PHEX: variants seen among roughly 807,000 people sequenced by gnomAD.
The protein encoded by PHEX is phosphate-regulating neutral endopeptidase PHEX.
In PHEX, 16 loss-of-function variants were observed where a neutral mutation model predicts 68.0. That is an observed-to-expected ratio of 0.24 (90% CI 0.16 to 0.36). The LOEUF (loss-of-function observed/expected upper bound fraction) is 0.36. Among genes scored for constraint, PHEX ranks in the 10% least tolerant of loss-of-function variants. PHEX has a pLI of 1.00. For synonymous variants in PHEX, 208 were observed against 205.1 expected (o/e 1.01, Z -0.12); for missense variants, 480 against 575.5 (o/e 0.83, Z 1.70).
intron 5 of PHEX, among the ~76,000 whole-genome samples, chrX:22,078,200 G>C (rs191438569): frequency 8.9e-6 from 1 of 112,044 alleles, no homozygotes; most frequent in East Asian, 2.8e-4. Flanking sequence ...AGCAAAACTT[G>C]TTCTGTTCCA....
rs368777361 is a variant in PHEX at position 22,185,709 on chromosome X, C to G, written c.1587-4735C>G. 4.6e-5 allele frequency among the ~76,000 whole-genome samples: 5 copies of G among 107,978 alleles called. 1 individual carries two copies. Among genetic ancestry groups the G allele is most frequent in the East Asian group, 2.9e-4 (1 of 3,499 alleles). The allele number at this position is 107,978 out of a possible 115,157, so 93.8% of individuals were successfully genotyped here. A position where few individuals can be genotyped will look rare whatever the true frequency, so the allele number is the denominator to read the frequency against. The stretch of plus-strand genomic sequence containing the variant: ...AACAACAGTCATTATTTTTCTCTCT[C>G]ATGGTTCTGGGGGTCACTAGGCTCA... On this transcript the variant is annotated intron_variant, in intron 14 of 21. Coordinates refer to ENST00000379374, the MANE Select transcript of PHEX (RefSeq NM_000444.6).
chrX:22,159,110 G>A (rs180747340), intron 12 of PHEX, among the ~76,000 whole-genome samples: 9 of 113,460 alleles, frequency 7.9e-5, no homozygotes, highest in African/African-American at 2.6e-4. Flanking sequence ...TAAGCCGTGC[G>A]TGCACGTGCA....
intron 11 of PHEX, among the ~76,000 whole-genome samples, chrX:22,130,972 A>G (rs745696268): frequency 3.6e-5 from 4 of 111,463 alleles, no homozygotes; most frequent in Admixed American, 9.6e-5. Context: ...ACCTCAGAAC[A>G]ATGATACTAG....
chrX:22,199,399 CT>C (rs997506457), intron 15 of PHEX, among the ~76,000 whole-genome samples: 3 of 111,919 alleles, frequency 2.7e-5, no homozygotes, highest in African/African-American at 9.7e-5. Flanking sequence ...CATGGTTTTG[CT>C]TTTCATTGTT....
Position 22,032,865 on chromosome X carries a change from G to A in PHEX, c.-141G>A, listed in dbSNP as rs1926857378. The A allele has an allele frequency of 1.8e-6, 1 of 541,601 alleles. No individual in the cohort carries two copies. The highest frequency in any genetic ancestry group is 3.3e-5 in the East Asian group (1 of 30,068). 44.6% of individuals were successfully genotyped at this position (541,601 alleles called of 1,213,427 possible). A position where few individuals can be genotyped will look rare whatever the true frequency, so the allele number is the denominator to read the frequency against. ...ATTATTTGAGAAAGGGTGGCGAGGG[G>A]AGATTTCCTGACGGCAGTTTCTTAA... On this transcript the variant is annotated 5_prime_UTR_variant, in exon 1 of 22. Transcript: ENST00000379374.
intron 12 of PHEX, among the ~76,000 whole-genome samples, chrX:22,156,264 A>T (rs1569413554): frequency 1.8e-5 from 2 of 110,636 alleles, no homozygotes; most frequent in Non-Finnish European, 3.8e-5. Context: ...ACAGAAAGTC[A>T]GGCTTGCTTT....
intron 7 of PHEX, among the ~76,000 whole-genome samples, chrX:22,094,990 A>G (rs1007561472): frequency 8.9e-6 from 1 of 112,018 alleles, no homozygotes; most frequent in African/African-American, 3.2e-5. Context: ...AGTTTTGCGT[A>G]TGTGTTGGGA....
intron 3 of PHEX, among the ~76,000 whole-genome samples, chrX:22,061,239 G>A (rs919885911): frequency 1.8e-5 from 2 of 112,004 alleles, no homozygotes; most frequent in African/African-American, 6.5e-5. Context: ...CGGCAGAATG[G>A]AAGCCCTACA....
intron 2 of PHEX, among the ~76,000 whole-genome samples, chrX:22,042,621 C>T (rs1361544151): frequency 8.9e-6 from 1 of 111,868 alleles, no homozygotes; most frequent in Non-Finnish European, 1.9e-5. Context: ...TCCATGTCTA[C>T]TAAAAATACA....
Position 22,249,455 on chromosome X carries a change from A to AAAAT in PHEX, c.*1503_*1504insAATA. 28 of 39,746 alleles carry AAAAT rather than the reference A, an allele frequency of 7.0e-4. No individual in the cohort carries two copies. In the South Asian group the frequency reaches 7.5e-3, roughly 11 times the overall value. 3.3% of individuals were successfully genotyped at this position (39,746 alleles called of 1,213,427 possible). ...TTGTGATTCTTTTAAAAAAAAAAAA[A>AAAAT]ATATATATATATATATATATATATA... On this transcript the variant is annotated 3_prime_UTR_variant, in exon 22 of 22. Coordinates refer to ENST00000379374, the MANE Select transcript of PHEX (RefSeq NM_000444.6).
intron 12 of PHEX, among the ~76,000 whole-genome samples, chrX:22,165,145 G>A (rs780378069): frequency 4.5e-5 from 5 of 112,067 alleles, no homozygotes; most frequent in African/African-American, 6.5e-5. Context: ...GAAAGAACTC[G>A]TTGCCAAGAG....
At chrX:22,152,655 T>A (rs1244245024) in intron 12 of PHEX, among the ~76,000 whole-genome samples, 1 of 112,082 alleles carries the variant, frequency 8.9e-6, no homozygotes, top group Non-Finnish European at 1.9e-5. Flanking sequence ...GTACACACTT[T>A]TTTTGAAGTT....
intron 10 of PHEX, among the ~76,000 whole-genome samples, chrX:22,112,678 A>G (rs1405572538): frequency 1.8e-5 from 2 of 111,181 alleles, no homozygotes; most frequent in East Asian, 5.6e-4. Flanking sequence ...AGGCCAAGGC[A>G]GGCAAATTGA....
chrX:22,091,715 C>T (rs1259387507), intron 6 of PHEX, among the ~76,000 whole-genome samples: 1 of 112,008 alleles, frequency 8.9e-6, no homozygotes, highest in African/African-American at 3.2e-5. Context: ...AAGCAGCTTG[C>T]CCACTGTATT....
intron 9 of PHEX, among the ~76,000 whole-genome samples, chrX:22,104,641 A>T (rs750076406): frequency 2.7e-5 from 3 of 111,527 alleles, no homozygotes; most frequent in Non-Finnish European, 3.8e-5. Context: ...CTAGCACATC[A>T]CTGGGTGAGG....
intron 2 of PHEX, 29 bp downstream of exon 2, chrX:22,038,566 A>T (rs1927132917): frequency 1.0e-6 from 1 of 981,010 alleles, no homozygotes; most frequent in Admixed American, 2.2e-5. Context: ...TCCTGTGTCA[A>T]GTTATAATTA....
chrX:22,068,651 T>G (rs1928729197), intron 3 of PHEX, among the ~76,000 whole-genome samples: 1 of 112,310 alleles, frequency 8.9e-6, no homozygotes, highest in African/African-American at 3.2e-5. Flanking sequence ...TATATGTTTC[T>G]TAGGATTGCT....
At chrX:22,058,350 T>G (rs764226491) in intron 3 of PHEX, among the ~76,000 whole-genome samples, 4 of 112,613 alleles carry the variant, frequency 3.6e-5, no homozygotes, top group Admixed American at 1.9e-4. Flanking sequence ...CCGTTGCTAC[T>G]GTTAATTTCA....
At chrX:22,162,720 A>T (rs1025419017) in intron 12 of PHEX, 2 of 112,315 alleles carry the variant, frequency 1.8e-5, no homozygotes, top group Non-Finnish European at 3.8e-5. Context: ...GGAAAACATG[A>T]CACATAATGC....
Sources: allele counts gnomAD v4.1 joint callset (sites outside exome capture counted in the v4.1 genomes callset), GRCh38; gene constraint gnomAD v4.1.1; transcripts MANE v1.5; gene names NCBI Gene and HGNC (gene_info 2026-07-23, HGNC 2026-07-21).